Variants in IL1RAPL1 observed in about 807,000 individuals in gnomAD.
IL1RAPL1 encodes interleukin-1 receptor accessory protein-like 1.
Under a neutral mutation model 48.4 loss-of-function variants are expected in IL1RAPL1, and 3 were observed. The observed-to-expected ratio is 0.06, with a 90% CI of 0.03 to 0.16. The LOEUF is 0.16. Ranked by LOEUF, IL1RAPL1 falls within the 10% of genes least tolerant of loss-of-function variation. IL1RAPL1 has a pLI of 1.00. For synonymous variants in IL1RAPL1, 185 were observed against 187.7 expected, an observed-to-expected ratio of 0.99 and a Z score of 0.12; for missense variants, 349 against 530.6, an observed-to-expected ratio of 0.66 and a Z score of 3.36.
At chrX:29,620,288 C>T (rs1233062080) in intron 5 of IL1RAPL1, among the ~76,000 whole-genome samples, 1 of 111,997 alleles carries the variant, frequency 8.9e-6, no homozygotes, top group Non-Finnish European at 1.9e-5. Context: ...TCAGCAATTT[C>T]ATTCTTGTGT....
At chrX:29,945,939 G>A (rs1160256182) in intron 9 of IL1RAPL1, among the ~76,000 whole-genome samples, 1 of 110,492 alleles carries the variant, frequency 9.1e-6, no homozygotes, top group East Asian at 2.8e-4. Context: ...TCAGTCCTTA[G>A]CATTTCCAAT....
chrX:28,928,272 A>G (rs1485890710), intron 2 of IL1RAPL1, among the ~76,000 whole-genome samples: 1 of 111,157 alleles, frequency 9.0e-6, no homozygotes, highest in Non-Finnish European at 1.9e-5. Context: ...CATTATCACT[A>G]CCTTATCTCA....
At chrX:28,996,620 TTGTGTGTG>T (rs59015501) in intron 2 of IL1RAPL1, among the ~76,000 whole-genome samples, 1 of 108,351 alleles carries the variant, frequency 9.2e-6, no homozygotes, top group African/African-American at 3.4e-5. Flanking sequence ...AATTGTTATT[TTGTGTGTG>T]TGTGTGTGTG....
intron 2 of IL1RAPL1, among the ~76,000 whole-genome samples, chrX:29,238,961 C>G (rs1030857037): frequency 3.6e-5 from 4 of 112,117 alleles, no homozygotes; most frequent in African/African-American, 1.3e-4. Flanking sequence ...TTTTCCTTAT[C>G]AATGATCTCT....
intron 9 of IL1RAPL1, among the ~76,000 whole-genome samples, chrX:29,942,290 G>A (rs1384936783): frequency 8.9e-6 from 1 of 112,044 alleles, no homozygotes; most frequent in African/African-American, 3.2e-5. Context: ...GCTATATTTA[G>A]ATAGCCTAAT....
At chrX:29,241,907 G>A in intron 2 of IL1RAPL1, among the ~76,000 whole-genome samples, 2 of 111,677 alleles carry the variant, frequency 1.8e-5, no homozygotes, top group Admixed American at 1.9e-4. Context: ...ATCCCACAAG[G>A]TGCAGTAAAA....
chrX:28,813,975 A>G (rs1282218610), intron 2 of IL1RAPL1, among the ~76,000 whole-genome samples: 1 of 110,701 alleles, frequency 9.0e-6, no homozygotes, highest in Non-Finnish European at 1.9e-5. Flanking sequence ...ATCAGGACCC[A>G]CGTATTCTGT....
chrX:29,478,648 C>T (rs1399142380), intron 5 of IL1RAPL1, among the ~76,000 whole-genome samples: 3 of 111,535 alleles, frequency 2.7e-5, no homozygotes, highest in Non-Finnish European at 5.7e-5. Flanking sequence ...CCATCCCCTT[C>T]TTTCAGCCCC....
intron 2 of IL1RAPL1, among the ~76,000 whole-genome samples, chrX:29,108,957 CT>C (rs931987448): frequency 8.2e-5 from 9 of 109,495 alleles, no homozygotes; most frequent in African/African-American, 2.6e-4. Flanking sequence ...AGTAAGACAT[CT>C]TTTTTTTTCA....
chrX:29,144,904 T>A (rs1929320269), intron 2 of IL1RAPL1, among the ~76,000 whole-genome samples: 1 of 108,615 alleles, frequency 9.2e-6, no homozygotes, highest in Non-Finnish European at 1.9e-5. Flanking sequence ...TTTTTTTGTA[T>A]TTTTAGTAGA....
In IL1RAPL1 at chrX:29,496,076, T is replaced by G. The variant is rs922661187; in HGVS notation, c.703+96768T>G. On this transcript the variant is annotated intron_variant, in intron 5 of 10. Coordinates refer to ENST00000378993, the MANE Select transcript of IL1RAPL1 (RefSeq NM_014271.4). ...ACCATGCATAACCTTTATTTGACTT[T>G]TATTTGAAACCATATTTTAATATAC... is the stretch of plus-strand genomic sequence containing the variant. Among the ~76,000 whole-genome samples, 3 of 111,899 alleles carry G rather than the reference T, an allele frequency of 2.7e-5. No individual in the cohort carries two copies. The Admixed American group carries it at 2.9e-4, about 11-fold the overall frequency.
At chrX:28,920,412 C>T (rs149016363) in intron 2 of IL1RAPL1, among the ~76,000 whole-genome samples, 239 of 111,643 alleles carry the variant, frequency 2.1e-3, no homozygotes, top group African/African-American at 7.4e-3. Flanking sequence ...AAGGAAGTAA[C>T]GCTATTGTCT....
rs146650137 is a variant in IL1RAPL1, at chrX:29,769,610, A to ATTTT, written c.778+101127_778+101130dup. Among the ~76,000 whole-genome samples the ATTTT allele has an allele frequency of 3.9e-3, 167 of 43,044 alleles. 2 individuals carry two copies. The highest frequency in any genetic ancestry group is 4.5e-3 in the Non-Finnish European group (118 of 26,015). 37.4% of individuals were successfully genotyped at this position (43,044 alleles called of 115,157 possible). ...AGGCGCCCGCCACCATGCCTGGCTAATTTTTTTTTTTTTTTTTTTTTTTTG... is the reference window on the plus strand; with the variant it reads ...AGGCGCCCGCCACCATGCCTGGCTAATTTTTTTTTTTTTTTTTTTTTTTTTTTTG... On this transcript the variant is annotated intron_variant, in intron 6 of 10. Transcript: ENST00000378993.
chrX:28,847,995 C>T (rs751635139), intron 2 of IL1RAPL1, among the ~76,000 whole-genome samples: 10 of 111,606 alleles, frequency 9.0e-5, no homozygotes, highest in Non-Finnish European at 1.9e-4. Flanking sequence ...ATAAAAAGAA[C>T]GAGTTCACGT....
chrX:28,625,692 G>A (rs1934332373), intron 1 of IL1RAPL1, among the ~76,000 whole-genome samples: 1 of 110,593 alleles, frequency 9.0e-6, no homozygotes, highest in African/African-American at 3.3e-5. Context: ...TGACAGATGT[G>A]TAAAATGCCA....
chrX:29,850,292 C>G (rs1271257642), intron 6 of IL1RAPL1, among the ~76,000 whole-genome samples: 1 of 111,979 alleles, frequency 8.9e-6, no homozygotes, highest in Non-Finnish European at 1.9e-5. Context: ...GTAGCACTTT[C>G]TTGTCATAGC....
chrX:29,365,904 G>C (rs1488215259), intron 3 of IL1RAPL1, among the ~76,000 whole-genome samples: 12 of 107,038 alleles, frequency 1.1e-4, no homozygotes, highest in African/African-American at 4.1e-4. Context: ...AGCTGGGTGT[G>C]GTGGTGCACA....
chrX:29,939,190 T>C (rs1388614719), intron 8 of IL1RAPL1, among the ~76,000 whole-genome samples: 2 of 112,221 alleles, frequency 1.8e-5, no homozygotes, highest in Admixed American at 1.9e-4. Flanking sequence ...CACTGGGTAC[T>C]CTCACTAGCA....
chrX:28,687,828 G>A (rs780619282), intron 1 of IL1RAPL1, among the ~76,000 whole-genome samples: 5 of 109,805 alleles, frequency 4.6e-5, no homozygotes, highest in Admixed American at 9.6e-5. Flanking sequence ...CAGGGGGTGC[G>A]CGGTGGCTCA....
Sources: gnomAD v4.1 joint callset for allele counts (sites outside exome capture counted in the v4.1 genomes callset) on GRCh38, gnomAD v4.1.1 for gene constraint, MANE v1.5 for transcripts, NCBI Gene and HGNC (gene_info 2026-07-23, HGNC 2026-07-21) for gene names.